DDX42: variants seen among roughly 807,000 people sequenced by gnomAD.
DDX42 encodes the protein ATP-dependent RNA helicase DDX42.
A neutral mutation model predicts 101.5 loss-of-function variants in DDX42; 22 were observed. The ratio of observed to expected loss-of-function variants is 0.22; its 90% CI spans 0.15 to 0.31. The LOEUF is 0.31. DDX42 is among the 10% of genes least tolerant of loss of function. DDX42 has a pLI of 1.00. For missense variants in DDX42, 849 were observed against 1,199.9 expected (o/e 0.71, Z 4.32); for synonymous variants, 402 against 401.2 (o/e 1.00, Z -0.02).
intron 14 of DDX42, among the ~76,000 whole-genome samples, chr17:63,812,718 T>G (rs572187252): frequency 6.6e-6 from 1 of 152,124 alleles, no homozygotes. Flanking sequence ...CATGGCAGAT[T>G]ACTGATGCAA....
intron 1 of DDX42, among the ~76,000 whole-genome samples, chr17:63,780,577 T>A (rs8078462): frequency 6.6e-6 from 1 of 151,982 alleles, no homozygotes; most frequent in African/African-American, 2.4e-5. Flanking sequence ...GAGCTAACAT[T>A]CTACTCAGGG....
intron 12 of DDX42, 30 bp downstream of exon 12, chr17:63,810,590 A>G: frequency 6.2e-7 from 1 of 1,608,272 alleles, no homozygotes; most frequent in Non-Finnish European, 8.5e-7. Context: ...GTTAAACCAA[A>G]TTTGTACTAA....
chr17:63,786,985 A>G (rs2144535714), intron 1 of DDX42, 49 bp from the exon 2 acceptor site: 10 of 1,599,960 alleles, frequency 6.3e-6, no homozygotes, highest in East Asian at 2.2e-5. Context: ...CCTTGGGGCT[A>G]TACACTTTTT....
Position 63,818,174 on chromosome 17 carries a change from G to A in DDX42, c.2593G>A (p.Gly865Arg). The A allele has an allele frequency of 6.2e-7, 1 of 1,614,012 alleles. No individual in the cohort carries two copies. Among genetic ancestry groups the A allele is most frequent in the South Asian group, 1.1e-5 (1 of 91,066 alleles). ...DGHRHGENRH[G>R]GSAGRHGENR... is the part of the protein sequence containing the mutation. ...CCATCGGCACGGGGAGAACAGACAT[G>A]GAGGAAGCGCAGGCCGGCATGGGGA... Residue 865 changes from glycine (G) to arginine (R), a missense_variant, in exon 18 of 18, where the codon GGA becomes AGA. Gly to Arg is a moderately radical substitution (Grantham distance 125). Transcript: ENST00000389924.
At chr17:63,809,415 A>G in intron 10 of DDX42, 145 bp from the exon 11 acceptor site, 2 of 610,792 alleles carry the variant, frequency 3.3e-6, no homozygotes, top group Non-Finnish European at 5.8e-6. Flanking sequence ...TGAGCTAAGT[A>G]GTGCATAAGG....
At position 63,809,488 on chromosome 17, in the gene DDX42, G is replaced by A. The variant is rs552485668; in HGVS notation, c.1153-72G>A. 1.7e-5 allele frequency: 21 copies of A among 1,222,582 alleles called. No individual in the cohort carries two copies. The South Asian group carries it at 2.3e-4, about 14-fold the overall frequency. 75.7% of individuals were successfully genotyped at this position (1,222,582 alleles called of 1,614,324 possible). A position where few individuals can be genotyped will look rare whatever the true frequency, so the allele number is the denominator to read the frequency against. ...ACTAGAGAATTAGCACTTTTGCCAGGAGTGCAACTGCTTAGAAAGTCCCTG... is the reference window on the plus strand; with the variant it reads ...ACTAGAGAATTAGCACTTTTGCCAGAAGTGCAACTGCTTAGAAAGTCCCTG... On this transcript the variant is annotated intron_variant, in intron 10 of 17. Coordinates refer to ENST00000389924, the MANE Select transcript of DDX42 (RefSeq NM_203499.3).
chr17:63,817,751 TCTG>T lies in DDX42; in HGVS notation c.2177_2179del (p.Ala726del), dbSNP rs757328527. Reference sequence around the variant, plus strand: ...TTTAAGTAATCAGAAGGCTGGAAGTTCTGCTGCTGGGGCAAGTGGGTGGACTAG... The same window carrying T: ...TTTAAGTAATCAGAAGGCTGGAAGTTCTGCTGGGGCAAGTGGGTGGACTAG... On this transcript the variant is annotated inframe_deletion, in exon 18 of 18. Coordinates refer to ENST00000389924, the MANE Select transcript of DDX42 (RefSeq NM_203499.3). 5 of 1,614,220 alleles carry T rather than the reference TCTG, an allele frequency of 3.1e-6. No homozygotes were observed. In the South Asian group the frequency reaches 4.4e-5, roughly 14 times the overall value.
intron 1 of DDX42, among the ~76,000 whole-genome samples, chr17:63,778,206 T>C (rs147072557): frequency 1.3e-5 from 2 of 152,304 alleles, no homozygotes; most frequent in Non-Finnish European, 2.9e-5. Context: ...TCACTGTGTG[T>C]CTCACTATTA....
chr17:63,805,244 T>C (rs1380507030), intron 7 of DDX42, 69 bp downstream of exon 7: 4 of 1,535,588 alleles, frequency 2.6e-6, no homozygotes, highest in African/African-American at 2.8e-5. Context: ...TTATTGGTTA[T>C]CTAAACTAAT....
intron 3 of DDX42, 149 bp downstream of exon 3, chr17:63,792,711 T>G: frequency 1.3e-6 from 1 of 775,362 alleles, no homozygotes; most frequent in Non-Finnish European, 1.9e-6. Flanking sequence ...TAGTTGCATA[T>G]ATCTACTTCC....
At chr17:63,809,717 C>A in intron 11 of DDX42, 58 bp downstream of exon 11, 1 of 1,409,826 alleles carries the variant, frequency 7.1e-7, no homozygotes, top group Non-Finnish European at 1.0e-6. Flanking sequence ...GTTTTTTTTC[C>A]ATGTCTTTCT....
Position 63,807,881 on chromosome 17 carries a change from C to G in DDX42, c.1004C>G (p.Thr335Ser). Residue 335 changes from threonine to serine, a missense_variant, in exon 9 of 18, where the codon ACC becomes AGC. Physicochemically the swap from Thr to Ser is moderately conservative, Grantham distance 58. Around this residue, in one of 5 missense-constraint regions of DDX42, gnomAD observed 370 missense variants for 608.8 expected, o/e 0.61. Coordinates refer to ENST00000389924, the MANE Select transcript of DDX42 (RefSeq NM_203499.3). ...DGPIAVIVCP[T>S]RELCQQIHAE... ...CCAATTGCAGTGATTGTGTGTCCTA[C>G]CAGGGAGCTTTGCCAGCAGGTATGT... The G allele has an allele frequency of 6.2e-7, 1 of 1,613,176 alleles. No homozygotes were observed. Among genetic ancestry groups the G allele is most frequent in the Non-Finnish European group, 8.5e-7 (1 of 1,179,552 alleles).
intron 1 of DDX42, among the ~76,000 whole-genome samples, chr17:63,781,374 C>T (rs1477050371): frequency 6.6e-6 from 1 of 151,748 alleles, no homozygotes; most frequent in African/African-American, 2.4e-5. Flanking sequence ...CCCGCCACCA[C>T]GTCCGGCTAA....
chr17:63,801,089 A>G (rs1216329433), intron 6 of DDX42, among the ~76,000 whole-genome samples: 1 of 145,492 alleles, frequency 6.9e-6, no homozygotes, highest in Non-Finnish European at 1.5e-5. Flanking sequence ...TCTCTCTGTC[A>G]CCCAGGCTGG....
intron 7 of DDX42, chr17:63,806,219 T>C (rs550247208): frequency 1.6e-5 from 3 of 193,090 alleles, no homozygotes; most frequent in Admixed American, 6.1e-5. Context: ...AGAACAGTTA[T>C]GGCTTCCCAA....
Position 63,806,633 on chromosome 17 carries a change from G to A in DDX42, c.825G>A (p.Gln275=). 1.2e-6 allele frequency: 2 copies of A among 1,612,998 alleles called. No individual in the cohort carries two copies. The highest frequency in any genetic ancestry group is 1.1e-5 in the South Asian group (1 of 90,858). The change falls in exon 8 of 18, where the codon CAG becomes CAA. Residue 275 remains glutamine (Q), a synonymous_variant. Transcript: ENST00000389924. ...AGATTCGGAAATCTGAATACACACA[G>A]CCCACTCCAATACAGTGCCAGGTAA... ...MHQIRKSEYT[Q]PTPIQCQGVP... is the part of the protein sequence containing the mutation.
At chr17:63,776,152 TTA>T (rs2039418372) in intron 1 of DDX42, 2 of 152,272 alleles carry the variant, frequency 1.3e-5, no homozygotes, top group African/African-American at 4.8e-5. Context: ...GTAATGTGGC[TTA>T]TATAATCAGT....
At chr17:63,787,398 A>T (rs2039559875) in intron 2 of DDX42, 128 bp downstream of exon 2, 1 of 983,834 alleles carries the variant, frequency 1.0e-6, no homozygotes, top group Non-Finnish European at 1.5e-6. Context: ...TGTCTCGCTG[A>T]ATTCCATTGT....
chr17:63,793,856 T>TTATATA (rs138103837), intron 3 of DDX42, among the ~76,000 whole-genome samples: 12 of 70,704 alleles, frequency 1.7e-4, no homozygotes, highest in East Asian at 1.3e-3. Context: ...GCAGAAAAAT[T>TTATATA]TATATATATA....
Sources: gnomAD v4.1 joint callset for allele counts (sites outside exome capture counted in the v4.1 genomes callset) on GRCh38, gnomAD v4.1.1 for gene constraint, gnomAD v4.1.1 regional missense constraint, MANE v1.5 for transcripts, NCBI Gene and HGNC (gene_info 2026-07-23, HGNC 2026-07-21) for gene names.